The following SLC5A5 variants were observed in gnomAD, a reference collection of about 807,000 sequenced individuals.
SLC5A5 encodes the protein solute carrier family 5 member 5, also known as sodium/iodide cotransporter.
SLC5A5 carries 56 observed loss-of-function variants against 68.6 expected under a neutral mutation model. That is an observed-to-expected ratio of 0.82 (90% CI 0.66 to 1.02). The LOEUF (loss-of-function observed/expected upper bound fraction) is 1.02. SLC5A5 is among the 50% of genes least tolerant of loss of function. The pLI is 0.00. For synonymous variants in SLC5A5, 398 were observed against 373.0 expected, an observed-to-expected ratio of 1.07 and a Z score of -0.77; for missense variants, 807 against 859.8, an observed-to-expected ratio of 0.94 and a Z score of 0.77.
intron 13 of SLC5A5, among the ~76,000 whole-genome samples, chr19:17,889,413 A>AGAAGGAAGGAAGGAAGCAAG (rs2030066922): frequency 7.3e-6 from 1 of 137,608 alleles, no homozygotes; most frequent in African/African-American, 3.1e-5. Flanking sequence ...AAAGAAAGAA[A>AGAAGGAAGGAAGGAAGCAAG]GAAGGAAGGA....
At chr19:17,893,647 G>A (rs966858638) in intron 14 of SLC5A5, 66 bp from the exon 15 acceptor site, 12 of 1,524,870 alleles carry the variant, frequency 7.9e-6, no homozygotes, top group Middle Eastern at 2.1e-4. Flanking sequence ...TCTGGGAGAT[G>A]AGCTGACACG....
intron 7 of SLC5A5, among the ~76,000 whole-genome samples, chr19:17,878,783 C>A (rs1028952016): frequency 6.6e-6 from 1 of 151,964 alleles, no homozygotes; most frequent in Non-Finnish European, 1.5e-5. Context: ...CGAAACCAAC[C>A]TGGCCAACAT....
intron 7 of SLC5A5, among the ~76,000 whole-genome samples, chr19:17,880,217 CT>C (rs55961004): frequency 0.075 from 10,446 of 138,962 alleles, 847 homozygotes; most frequent in East Asian, 0.21. Flanking sequence ...TCTTTTCTTT[CT>C]TTTTTTTTTT....
In SLC5A5 at chr19:17,874,538, GA is replaced by G. The variant is rs778780961; in HGVS notation, c.470del (p.Asn157ThrfsTer3). ...IVIYAPALIL[N>X]QVTGLDIWAS... ...TAATCTACGCACCGGCCCTCATCCT[GA>G]ACCAAGGTGTGACTCTGGGAGATTA... On this transcript the variant is annotated frameshift_variant, in exon 3 of 15. Transcript: ENST00000222248. 6.2e-7 allele frequency: 1 copy of G among 1,613,938 alleles called. No individual in the cohort carries two copies. Among genetic ancestry groups the G allele is most frequent in the Non-Finnish European group, 8.5e-7 (1 of 1,179,944 alleles).
chr19:17,872,552 C>T lies in SLC5A5; in HGVS notation c.233C>T (p.Ser78Leu), dbSNP rs760745082. ...MSAVQVLGVP[S>L]EAYRYGLKFL... ...GCCGTGCAGGTGCTGGGCGTGCCGTCGGAGGCCTATCGCTATGGCCTCAAG... is the reference window on the plus strand; with the variant it reads ...GCCGTGCAGGTGCTGGGCGTGCCGTTGGAGGCCTATCGCTATGGCCTCAAG... The change falls in exon 1 of 15, where the codon TCG becomes TTG. Residue 78 changes from serine to leucine, a missense_variant. Ser to Leu is a moderately radical substitution (Grantham distance 145). Transcript: ENST00000222248. 1.2e-6 allele frequency: 2 copies of T among 1,612,610 alleles called. No individual in the cohort carries two copies. The highest frequency in any genetic ancestry group is 2.2e-5 in the East Asian group (1 of 44,870).
At chr19:17,887,299 T>C (rs572415904) in intron 12 of SLC5A5, among the ~76,000 whole-genome samples, 3 of 152,002 alleles carry the variant, frequency 2.0e-5, no homozygotes, top group Admixed American at 2.0e-4. Context: ...TTTTTAATTC[T>C]TTTTTTTGGT....
At chr19:17,892,652 CAGAG>C (rs58081153) in intron 14 of SLC5A5, among the ~76,000 whole-genome samples, 4,431 of 97,328 alleles carry the variant, frequency 0.046, 118 homozygotes, top group East Asian at 0.12. Flanking sequence ...AAAGAAAAGA[CAGAG>C]AGAGAGAGAG....
At chr19:17,891,078 C>A in intron 14 of SLC5A5, 77 bp downstream of exon 14, 2 of 871,264 alleles carry the variant, frequency 2.3e-6, no homozygotes, top group East Asian at 2.4e-5. Context: ...AGGGGAGGGA[C>A]ATGGTATATC....
In SLC5A5 at chr19:17,880,913, C is replaced by T. The variant is rs1213434956; in HGVS notation, c.1018C>T (p.Pro340Ser). 6.2e-7 allele frequency: 1 copy of T among 1,613,992 alleles called. No homozygotes were observed. The highest frequency in any genetic ancestry group is 1.3e-5 in the African/African-American group (1 of 75,034). The change falls in exon 8 of 15, where the codon CCC (proline) becomes TCC (serine). Residue 340 changes from proline to serine, a missense_variant. Pro to Ser is a moderately conservative substitution (Grantham distance 74, BLOSUM62 -1). Transcript: ENST00000222248. ...LDIFEDLPGV[P>S]GLFLACAYSG... is the part of the protein sequence containing the mutation. ...CATCTTCGAAGATCTGCCTGGAGTC[C>T]CCGGGCTTTTCCTGGCCTGTGCTTA...
chr19:17,890,469 G>A (rs116913491), intron 13 of SLC5A5, among the ~76,000 whole-genome samples: 6 of 152,090 alleles, frequency 3.9e-5, no homozygotes, highest in Non-Finnish European at 7.4e-5. Context: ...ACGGCTCACT[G>A]CAGCCTCGAC....
intron 7 of SLC5A5, among the ~76,000 whole-genome samples, 168 bp from the exon 8 acceptor site, chr19:17,880,697 A>AAAC (rs1159183463): frequency 6.6e-6 from 1 of 151,938 alleles, no homozygotes; most frequent in Non-Finnish European, 1.5e-5. Flanking sequence ...TCTTTTCTCA[A>AAAC]AACAAAACAA....
chr19:17,879,773 G>C (rs113794764), intron 7 of SLC5A5, among the ~76,000 whole-genome samples: 5 of 152,154 alleles, frequency 3.3e-5, no homozygotes. Flanking sequence ...AGGATGACAC[G>C]GGTCCCTGCT....
At position 17,884,366 on chromosome 19, in the gene SLC5A5, C is replaced by T. The variant is rs1226820672; in HGVS notation, c.1526+320C>T. On this transcript the variant is annotated intron_variant, in intron 12 of 14. Transcript: ENST00000222248. ...AGGCTGGAATGCAGGGGTGCAATCT[C>T]AGCTTACTGCAGCTTCAACCTCTCA... Among the ~76,000 whole-genome samples, 417 of 150,422 alleles carry T rather than the reference C, an allele frequency of 2.8e-3. 2 individuals are homozygous for T. The highest frequency in any genetic ancestry group is 9.6e-3 in the African/African-American group (382 of 39,830).
chr19:17,881,318 G>A (rs757267681), intron 8 of SLC5A5, among the ~76,000 whole-genome samples: 63 of 151,744 alleles, frequency 4.2e-4, no homozygotes, highest in Non-Finnish European at 1.0e-4. Context: ...CCAGGCTGGA[G>A]TGCAGTGGTG....
At chr19:17,889,866 C>T (rs2030097433) in intron 13 of SLC5A5, among the ~76,000 whole-genome samples, 1 of 152,080 alleles carries the variant, frequency 6.6e-6, no homozygotes, top group African/African-American at 2.4e-5. Context: ...TTCTAAATTC[C>T]ACGGAAAAGT....
Position 17,894,139 on chromosome 19 carries a change from C to A in SLC5A5, c.*262C>A. ...CCCAAATAAGGCTGGGTTTTTCTCT[C>A]TCTCTTTTTTTTTTTTTTTTTTTTT... is the stretch of plus-strand genomic sequence containing the variant. On this transcript the variant is annotated 3_prime_UTR_variant, in exon 15 of 15. Coordinates refer to ENST00000222248, the MANE Select transcript of SLC5A5 (RefSeq NM_000453.3). 3 of 404,074 alleles carry A rather than the reference C, an allele frequency of 7.4e-6. No individual in the cohort carries two copies. Among genetic ancestry groups the A allele is most frequent in the Non-Finnish European group, 1.3e-5 (3 of 223,944 alleles). 25.0% of individuals were successfully genotyped at this position (404,074 alleles called of 1,614,324 possible). A position where few individuals can be genotyped will look rare whatever the true frequency, so the allele number is the denominator to read the frequency against.
chr19:17,876,293 G>A (rs1391734924), intron 5 of SLC5A5, among the ~76,000 whole-genome samples, 187 bp downstream of exon 5: 3 of 152,008 alleles, frequency 2.0e-5, no homozygotes, highest in Admixed American at 2.0e-4. Context: ...GCTGGGCGTG[G>A]TGGTGCACCT....
At position 17,882,066 on chromosome 19, in the gene SLC5A5, G is replaced by C. The variant is rs1211884476; in HGVS notation, c.1165G>C (p.Gly389Arg). 6 of 1,613,860 alleles carry C rather than the reference G, an allele frequency of 3.7e-6. No homozygotes were observed. ...CAGGAAACTCGTGATTATCTCCAAG[G>C]GGCTCTGTGAGTTTCAGGGAGACCT... Reference protein sequence around the residue: ...APRKLVIISKGLSLIYGSACL... With the variant: ...APRKLVIISKRLSLIYGSACL... The change falls in exon 9 of 15, where the codon GGG becomes CGG. Residue 389 changes from glycine to arginine, a missense_variant. By Grantham distance (125) the Gly-to-Arg change is moderately radical. Transcript: ENST00000222248.
chr19:17,894,838 G>A lies in SLC5A5; in HGVS notation c.*961G>A, dbSNP rs2030349185. Reference sequence around the variant, plus strand: ...GAACCTCAGAACATGAGCTTACTTGGAAATAGGGTCTTTGCAGGTGTAACT... The same window carrying A: ...GAACCTCAGAACATGAGCTTACTTGAAAATAGGGTCTTTGCAGGTGTAACT... On this transcript the variant is annotated 3_prime_UTR_variant, in exon 15 of 15. Transcript: ENST00000222248. 6.6e-6 allele frequency: 1 copy of A among 152,200 alleles called. No individual in the cohort carries two copies. Among genetic ancestry groups the A allele is most frequent in the Non-Finnish European group, 1.5e-5 (1 of 68,060 alleles). The allele number at this position is 152,200 out of a possible 1,614,324, so 9.4% of individuals were successfully genotyped here. A position where few individuals can be genotyped will look rare whatever the true frequency, so the allele number is the denominator to read the frequency against.
Sources: allele counts gnomAD v4.1 joint callset (sites outside exome capture counted in the v4.1 genomes callset), GRCh38; gene constraint gnomAD v4.1.1; transcripts MANE v1.5; gene names NCBI Gene and HGNC (gene_info 2026-07-23, HGNC 2026-07-21).